The following ADAMTS19 variants were observed in gnomAD, a reference collection of about 807,000 sequenced individuals.
The protein encoded by ADAMTS19 is A disintegrin and metalloproteinase with thrombospondin motifs 19.
A neutral mutation model predicts 153.3 loss-of-function variants in ADAMTS19; 93 were observed. That is an observed-to-expected ratio of 0.61 (90% CI 0.51 to 0.72). ADAMTS19 has a LOEUF of 0.72. ADAMTS19 is among the 30% of genes least tolerant of loss of function. The probability of loss-of-function intolerance (pLI) is 0.00; values close to 1 mark genes in which losing one functional copy is unlikely to be tolerated. For missense variants in ADAMTS19, 1,482 were observed against 1,552.1 expected (o/e 0.95, Z 0.76); for synonymous variants, 600 against 556.6 (o/e 1.08, Z -1.10).
intron 2 of ADAMTS19, among the ~76,000 whole-genome samples, chr5:129,496,278 T>C (rs1750926189): frequency 6.6e-6 from 1 of 152,088 alleles, no homozygotes; most frequent in South Asian, 2.1e-4. Context: ...AATAAGTAAA[T>C]TTCTTAATTA....
intron 21 of ADAMTS19, among the ~76,000 whole-genome samples, chr5:129,706,515 GCCAAGATAA>G (rs552947931): frequency 0.013 from 2,013 of 150,288 alleles, 49 homozygotes; most frequent in African/African-American, 0.046. Flanking sequence ...GTTCCAGTGA[GCCAAGATAA>G]CGCCATTGCG....
At chr5:129,521,930 C>T (rs1229284862) in intron 3 of ADAMTS19, among the ~76,000 whole-genome samples, 2 of 152,010 alleles carry the variant, frequency 1.3e-5, no homozygotes, top group South Asian at 2.1e-4. Flanking sequence ...GTCTCTACTA[C>T]AGCATCTCAT....
chr5:129,711,747 G>A lies in ADAMTS19; in HGVS notation c.3312+7356G>A, dbSNP rs149801173. ...TTCCATGGAGAGCTCATTCCTTGGG[G>A]ATGTGGTCTCTATGTATGAAAAATG... is the stretch of plus-strand genomic sequence containing the variant. On this transcript the variant is annotated intron_variant, in intron 21 of 22. Coordinates refer to ENST00000274487, the MANE Select transcript of ADAMTS19 (RefSeq NM_133638.6). Among the ~76,000 whole-genome samples, 247 of 152,212 alleles carry A rather than the reference G, an allele frequency of 1.6e-3. 1 individual carries two copies. The highest frequency in any genetic ancestry group is 0.013 in the Admixed American group (192 of 15,294).
At chr5:129,645,215 T>C (rs1348198248) in intron 11 of ADAMTS19, among the ~76,000 whole-genome samples, 1 of 152,252 alleles carries the variant, frequency 6.6e-6, no homozygotes, top group Non-Finnish European at 1.5e-5. Context: ...GACAATTTTT[T>C]AGTGTTTTCA....
chr5:129,546,685 A>G (rs1415782964), intron 6 of ADAMTS19, among the ~76,000 whole-genome samples: 2 of 151,166 alleles, frequency 1.3e-5, no homozygotes, highest in Non-Finnish European at 2.9e-5. Context: ...CAAAAGAAAA[A>G]ACAAGCAAAG....
chr5:129,641,942 T>C lies in ADAMTS19; in HGVS notation c.1854T>C (p.Thr618=), dbSNP rs1162971027. 1.9e-6 allele frequency: 3 copies of C among 1,596,118 alleles called. No homozygotes were observed. The East Asian group carries it at 6.7e-5, about 36-fold the overall frequency. Residue 618 remains threonine, a synonymous_variant, in exon 11 of 23, where the codon ACT becomes ACC. Transcript: ENST00000274487. ...RTKLDPPMDG[T]DCDLGKWCKA... is the part of the protein sequence containing the mutation. ...AGCTAGACCCACCAATGGATGGAACTGACTGTGACCTTGGTAAGGTAAGTC... is the reference window on the plus strand; with the variant it reads ...AGCTAGACCCACCAATGGATGGAACCGACTGTGACCTTGGTAAGGTAAGTC...
intron 7 of ADAMTS19, among the ~76,000 whole-genome samples, chr5:129,568,824 A>G (rs560296648): frequency 6.6e-6 from 1 of 152,098 alleles, no homozygotes; most frequent in Non-Finnish European, 1.5e-5. Flanking sequence ...CTTGTCTCTT[A>G]AATAAATAAA....
chr5:129,461,883 G>A lies in ADAMTS19; in HGVS notation c.747+126G>A. The A allele has an allele frequency of 7.6e-7, 1 of 1,319,210 alleles. No homozygotes were observed. The highest frequency in any genetic ancestry group is 9.8e-7 in the Non-Finnish European group (1 of 1,021,646). The allele number at this position is 1,319,210 out of a possible 1,614,324, so 81.7% of individuals were successfully genotyped here. A position where few individuals can be genotyped will look rare whatever the true frequency, so the allele number is the denominator to read the frequency against. ...CTCCTTTTGAGCTTGGCCCTAGACT[G>A]CACCCCCAGGTGTCTACATCGTTTG... On this transcript the variant is annotated intron_variant, in intron 2 of 22. Coordinates refer to ENST00000274487, the MANE Select transcript of ADAMTS19 (RefSeq NM_133638.6). This position sits in a 1 kb window ranked among gnomAD's most constrained non-coding sequence, Gnocchi z 4.6.
At chr5:129,608,116 GTA>G (rs1554098182) in intron 8 of ADAMTS19, among the ~76,000 whole-genome samples, 10 of 47,956 alleles carry the variant, frequency 2.1e-4, no homozygotes, top group East Asian at 5.8e-4. Context: ...GTGTGTGTGT[GTA>G]TATATATATA....
In ADAMTS19 at chr5:129,460,360, C is replaced by T. The variant is rs748216322; in HGVS notation, c.-32C>T. 3 of 1,596,824 alleles carry T rather than the reference C, an allele frequency of 1.9e-6. No individual in the cohort carries two copies. The highest frequency in any genetic ancestry group is 2.6e-6 in the Non-Finnish European group (3 of 1,168,556). On this transcript the variant is annotated 5_prime_UTR_variant, in exon 1 of 23. Transcript: ENST00000274487. Reference sequence around the variant, plus strand: ...AGTGGATCGCGCTGGAGGCGTGCGCCGGGCGAGAAGCCGCGGCCGCGGGAG... The same window carrying T: ...AGTGGATCGCGCTGGAGGCGTGCGCTGGGCGAGAAGCCGCGGCCGCGGGAG...
At chr5:129,651,418 G>T (rs987902991) in intron 13 of ADAMTS19, among the ~76,000 whole-genome samples, 3 of 151,998 alleles carry the variant, frequency 2.0e-5, no homozygotes, top group African/African-American at 7.2e-5. Flanking sequence ...GATTTATAAG[G>T]ATATTTCTGT....
intron 13 of ADAMTS19, among the ~76,000 whole-genome samples, chr5:129,651,299 C>A (rs1205027237): frequency 2.0e-5 from 3 of 152,132 alleles, no homozygotes; most frequent in Non-Finnish European, 4.4e-5. Context: ...GGTTTAAGAC[C>A]AAACTCATGA....
At chr5:129,672,939 T>G (rs986165233) in intron 16 of ADAMTS19, among the ~76,000 whole-genome samples, 1 of 152,110 alleles carries the variant, frequency 6.6e-6, no homozygotes, top group Non-Finnish European at 1.5e-5. Context: ...ACTGTTATCT[T>G]TAAGAAATTA....
chr5:129,708,590 C>CAAAAAAAAAAAAAAAAAAAAAAAA (rs1174701520), intron 21 of ADAMTS19, among the ~76,000 whole-genome samples: 1 of 61,820 alleles, frequency 1.6e-5, no homozygotes, highest in Non-Finnish European at 2.9e-5. Flanking sequence ...AGCAGAGAAG[C>CAAAAAAAAAAAAAAAAAAAAAAAA]AAAAAAAAAA....
chr5:129,695,899 C>T (rs1389770077), intron 19 of ADAMTS19, among the ~76,000 whole-genome samples: 1 of 152,194 alleles, frequency 6.6e-6, no homozygotes, highest in Non-Finnish European at 1.5e-5. Flanking sequence ...TGAATTAACA[C>T]ACCCTACAAT....
intron 8 of ADAMTS19, among the ~76,000 whole-genome samples, chr5:129,601,569 C>T (rs1432082054): frequency 6.6e-6 from 1 of 152,056 alleles, no homozygotes; most frequent in Non-Finnish European, 1.5e-5. Context: ...AGTGGTTTTG[C>T]TCATGGTTAC....
chr5:129,575,513 A>C (rs1358028992), intron 7 of ADAMTS19, among the ~76,000 whole-genome samples: 2 of 152,206 alleles, frequency 1.3e-5, no homozygotes, highest in East Asian at 3.9e-4. Flanking sequence ...ACAGTTTGTT[A>C]ATCTCCAAGG....
At chr5:129,553,834 C>T (rs1367303201) in intron 7 of ADAMTS19, among the ~76,000 whole-genome samples, 1 of 152,060 alleles carries the variant, frequency 6.6e-6, no homozygotes, top group Non-Finnish European at 1.5e-5. Context: ...ACCCAAACCC[C>T]ACAAAAACCT....
Position 129,654,440 on chromosome 5 carries a change from C to G in ADAMTS19, c.2304+7C>G, listed in dbSNP as rs764596080. On this transcript the variant is annotated splice_region_variant and intron_variant, in intron 14 of 22. Transcript: ENST00000274487. The stretch of plus-strand genomic sequence containing the variant: ...TGCAAATGGCAGGTGCCAGGTAAGA[C>G]ATTCCAAAAAAAAAAAGAATTTATA... 2.5e-6 allele frequency: 4 copies of G among 1,590,776 alleles called. No individual in the cohort carries two copies. In the South Asian group the frequency reaches 4.7e-5, roughly 18 times the overall value.
Sources: allele counts gnomAD v4.1 joint callset (sites outside exome capture counted in the v4.1 genomes callset), GRCh38; gene constraint gnomAD v4.1.1; non-coding constraint Gnocchi (gnomAD v3.1); transcripts MANE v1.5; gene names NCBI Gene and HGNC (gene_info 2026-07-23, HGNC 2026-07-21).